Variants in DLGAP2 observed in about 807,000 individuals in gnomAD.
DLGAP2 encodes DLG associated protein 2, also known as disks large-associated protein 2.
In DLGAP2, 26 loss-of-function variants were observed where a neutral mutation model predicts 100.3. The observed-to-expected ratio is 0.26, with a 90% confidence interval of 0.19 to 0.36. The LOEUF is 0.36. DLGAP2 is among the 10% of genes least tolerant of loss of function. The pLI is 1.00. For synonymous variants in DLGAP2, 886 were observed against 630.1 expected (o/e 1.41, Z -6.08); for missense variants, 1,858 against 1,453.2 (o/e 1.28, Z -4.53).
At chr8:997,445 G>A (rs4601343) in intron 2 of DLGAP2, among the ~76,000 whole-genome samples, 54,702 of 151,968 alleles carry the variant, frequency 0.36, 10,267 homozygotes, top group Non-Finnish European at 0.41. Flanking sequence ...GAAAACTACA[G>A]AGAAGACAAC....
intron 2 of DLGAP2, among the ~76,000 whole-genome samples, chr8:968,206 A>C (rs1584932950): frequency 6.6e-6 from 1 of 152,238 alleles, no homozygotes; most frequent in East Asian, 1.9e-4. Flanking sequence ...TACAAGCCAC[A>C]TGTGGGCAGT....
At chr8:1,046,686 C>G (rs1802525126) in intron 2 of DLGAP2, among the ~76,000 whole-genome samples, 1 of 152,220 alleles carries the variant, frequency 6.6e-6, no homozygotes, top group Admixed American at 6.5e-5. Context: ...CAGTGTCTTG[C>G]ATATGTAGCT....
intron 2 of DLGAP2, among the ~76,000 whole-genome samples, chr8:1,073,897 C>T (rs1803509825): frequency 6.6e-6 from 1 of 152,222 alleles, no homozygotes; most frequent in Non-Finnish European, 1.5e-5. Context: ...TGAGACTGAA[C>T]TCACCCGGCT....
intron 3 of DLGAP2, among the ~76,000 whole-genome samples, chr8:1,497,768 G>A (rs568662901): frequency 8.5e-5 from 13 of 152,278 alleles, no homozygotes; most frequent in African/African-American, 2.4e-4. Flanking sequence ...CGCTGTCCAC[G>A]GGGACATGTT....
At chr8:1,592,403 T>C (rs1020071760) in intron 6 of DLGAP2, among the ~76,000 whole-genome samples, 1 of 152,172 alleles carries the variant, frequency 6.6e-6, no homozygotes, top group Non-Finnish European at 1.5e-5. Flanking sequence ...CGTGTGCCTC[T>C]GGCCCCCTTG....
Position 1,701,070 on chromosome 8 carries a change from T to C in DLGAP2, c.2950-118T>C, listed in dbSNP as rs1004451572. ...GCAGACGGGGGACGGGAGTGAAGGA[T>C]GCGGCCCTGGGGGCTGCGGTCGGGA... On this transcript the variant is annotated intron_variant, in intron 14 of 14. Coordinates refer to ENST00000637795, the MANE Select transcript of DLGAP2 (RefSeq NM_001346810.2). The C allele has an allele frequency of 3.4e-6, 3 of 889,634 alleles. No individual in the cohort carries two copies. In the African/African-American group the frequency reaches 5.1e-5, roughly 15 times the overall value. The allele number at this position is 889,634 out of a possible 1,614,324, so 55.1% of individuals were successfully genotyped here. A position where few individuals can be genotyped will look rare whatever the true frequency, so the allele number is the denominator to read the frequency against.
rs112628444 is a variant in DLGAP2 at position 737,814 on chromosome 8, G to C, written c.7G>C (p.Ala3Pro). ...GAGCCCGGAGCGTCCGAGGATGTCC[G>C]CGCTGAGGAAGGTGCGAGCCGCCGG... MS[A>P]LRKVLPGILQ... The change falls in exon 1 of 15, where the codon GCG becomes CCG. Residue 3 changes from alanine to proline, a missense_variant. Transcript: ENST00000637795. The C allele has an allele frequency of 2.6e-6, 1 of 379,550 alleles. No homozygotes were observed. The highest frequency in any genetic ancestry group is 4.7e-6 in the Non-Finnish European group (1 of 213,650). The allele number at this position is 379,550 out of a possible 1,614,324, so 23.5% of individuals were successfully genotyped here.
intron 1 of DLGAP2, among the ~76,000 whole-genome samples, chr8:772,351 C>G (rs1454934777): frequency 6.6e-6 from 1 of 151,820 alleles, no homozygotes; most frequent in Non-Finnish European, 1.5e-5. Context: ...GAGACAGAGT[C>G]TTGCTCTGTT....
chr8:1,226,652 T>C (rs941820557), intron 2 of DLGAP2, among the ~76,000 whole-genome samples: 4 of 152,098 alleles, frequency 2.6e-5, no homozygotes, highest in Non-Finnish European at 4.4e-5. Flanking sequence ...AGGACCTGAG[T>C]AGATATTCTC....
intron 4 of DLGAP2, among the ~76,000 whole-genome samples, chr8:1,507,974 T>G (rs1799993164): frequency 6.6e-6 from 1 of 151,876 alleles, no homozygotes; most frequent in Non-Finnish European, 1.5e-5. Context: ...CGTGGTCACA[T>G]GAAAGGCCTA....
At chr8:1,045,329 T>C (rs1802485551) in intron 2 of DLGAP2, among the ~76,000 whole-genome samples, 1 of 152,254 alleles carries the variant, frequency 6.6e-6, no homozygotes, top group Non-Finnish European at 1.5e-5. Context: ...GTGCCCAGCG[T>C]ATACTCAACA....
chr8:1,360,850 C>G (rs978790248), intron 3 of DLGAP2, among the ~76,000 whole-genome samples: 4 of 152,220 alleles, frequency 2.6e-5, no homozygotes, highest in Non-Finnish European at 4.4e-5. Context: ...CTGCACACGA[C>G]GGTGAGATCC....
rs190367239 is a variant in DLGAP2, at chr8:1,377,137, G to A, written c.106+118254G>A. Among the ~76,000 whole-genome samples, 738 of 152,316 alleles carry A rather than the reference G, an allele frequency of 4.8e-3. 24 individuals carry two copies. Among genetic ancestry groups the A allele is most frequent in the Admixed American group, 0.044 (671 of 15,304 alleles). On this transcript the variant is annotated intron_variant, in intron 3 of 14. Transcript: ENST00000637795. The stretch of plus-strand genomic sequence containing the variant: ...TGCGTCCCAGCGAGAGGAAGTCCTC[G>A]GGGCCCAGCCCCACAGCACCTGTCC...
At chr8:1,498,430 T>C (rs1242097740) in intron 3 of DLGAP2, among the ~76,000 whole-genome samples, 2 of 152,336 alleles carry the variant, frequency 1.3e-5, no homozygotes, top group East Asian at 3.9e-4. Flanking sequence ...ATTTTGTTCT[T>C]TATCTGTCAC....
chr8:1,416,464 G>T (rs1263452498), intron 3 of DLGAP2, among the ~76,000 whole-genome samples: 1 of 152,192 alleles, frequency 6.6e-6, no homozygotes, highest in African/African-American at 2.4e-5. Flanking sequence ...CAGTCCATCA[G>T]GCGGAGAATC....
At chr8:781,026 T>A (rs960918373) in intron 1 of DLGAP2, among the ~76,000 whole-genome samples, 2 of 152,264 alleles carry the variant, frequency 1.3e-5, no homozygotes, top group Admixed American at 6.5e-5. Context: ...TGATTTTCAA[T>A]GCATTTTGTA....
rs79300201 is a variant in DLGAP2, at chr8:1,478,038, A to T, written c.107-23328A>T. ...TAATTTACTTTCATTCCCCCTACGTAAGGGGTAAATGTGACCTTCAGAAAT... is the reference window on the plus strand; with the variant it reads ...TAATTTACTTTCATTCCCCCTACGTTAGGGGTAAATGTGACCTTCAGAAAT... On this transcript the variant is annotated intron_variant, in intron 3 of 14. Coordinates refer to ENST00000637795, the MANE Select transcript of DLGAP2 (RefSeq NM_001346810.2). 2.8e-3 allele frequency among the ~76,000 whole-genome samples: 420 copies of T among 152,290 alleles called. No homozygotes were observed. In the East Asian group the frequency reaches 0.028, roughly 10 times the overall value.
chr8:1,646,865 C>T (rs1241619084), intron 8 of DLGAP2, among the ~76,000 whole-genome samples: 1 of 152,192 alleles, frequency 6.6e-6, no homozygotes, highest in African/African-American at 2.4e-5. Flanking sequence ...CTTGGAAAGC[C>T]AGCGTCGAAA....
chr8:956,105 T>C (rs1417506169), intron 2 of DLGAP2, among the ~76,000 whole-genome samples: 1 of 152,226 alleles, frequency 6.6e-6, no homozygotes, highest in Non-Finnish European at 1.5e-5. Context: ...ATGTTGACAC[T>C]AGTACCAAGC....
Sources: gnomAD v4.1 joint callset for allele counts (sites outside exome capture counted in the v4.1 genomes callset) on GRCh38, gnomAD v4.1.1 for gene constraint, MANE v1.5 for transcripts, NCBI Gene and HGNC (gene_info 2026-07-23, HGNC 2026-07-21) for gene names.